GRM7: variants seen among roughly 807,000 people sequenced by gnomAD.
The protein encoded by GRM7 is metabotropic glutamate receptor 7.
A neutral mutation model predicts 84.5 loss-of-function variants in GRM7; 35 were observed. The observed-to-expected ratio is 0.41, with a 90% CI of 0.32 to 0.55. GRM7 has a LOEUF of 0.55. Ranked by LOEUF, GRM7 falls within the 20% of genes least tolerant of loss-of-function variation. The pLI, the probability that GRM7 is intolerant of heterozygous loss-of-function variation, is 0.19. For synonymous variants in GRM7, 487 were observed against 455.1 expected, an observed-to-expected ratio of 1.07 and a Z score of -0.89; for missense variants, 1,003 against 1,194.6, an observed-to-expected ratio of 0.84 and a Z score of 2.36.
At chr3:7,476,039 T>A (rs1300904969) in intron 7 of GRM7, among the ~76,000 whole-genome samples, 2 of 152,202 alleles carry the variant, frequency 1.3e-5, no homozygotes, top group Non-Finnish European at 2.9e-5. Flanking sequence ...TATTCACACG[T>A]GTAGACTGAC....
intron 4 of GRM7, among the ~76,000 whole-genome samples, chr3:7,368,852 A>G (rs1442524246): frequency 2.0e-5 from 3 of 151,668 alleles, no homozygotes; most frequent in South Asian, 2.1e-4. Flanking sequence ...AGCGCTTAGC[A>G]CATAATAGTG....
chr3:7,631,374 GA>G (rs3840237), intron 8 of GRM7, among the ~76,000 whole-genome samples: 66,266 of 151,846 alleles, frequency 0.44, 14,672 homozygotes, highest in East Asian at 0.61. Context: ...TTTCAACAGA[GA>G]CCACCACAGG....
intron 7 of GRM7, among the ~76,000 whole-genome samples, chr3:7,533,147 G>A (rs1173425764): frequency 6.6e-5 from 10 of 151,992 alleles, no homozygotes; most frequent in African/African-American, 2.4e-4. Flanking sequence ...CAAGCAGACC[G>A]AATAGACATC....
At chr3:6,896,665 A>C (rs944420878) in intron 1 of GRM7, among the ~76,000 whole-genome samples, 2 of 151,818 alleles carry the variant, frequency 1.3e-5, no homozygotes, top group African/African-American at 2.4e-5. Context: ...GTATTCACTC[A>C]CTCTTGTGTC....
At chr3:7,610,208 A>T (rs1696786480) in intron 8 of GRM7, among the ~76,000 whole-genome samples, 1 of 152,208 alleles carries the variant, frequency 6.6e-6, no homozygotes, top group African/African-American at 2.4e-5. Flanking sequence ...TTTAATCCTT[A>T]GCGGTCCAGT....
chr3:7,544,869 C>T (rs1052845999), intron 7 of GRM7, among the ~76,000 whole-genome samples: 2 of 152,168 alleles, frequency 1.3e-5, no homozygotes, highest in Admixed American at 1.3e-4. Context: ...CTTGGAAGGG[C>T]ATAAAGCATT....
chr3:7,211,741 A>C (rs1404116554), intron 2 of GRM7, among the ~76,000 whole-genome samples: 1 of 152,054 alleles, frequency 6.6e-6, no homozygotes, highest in African/African-American at 2.4e-5. Flanking sequence ...TACCAGAAGA[A>C]ATTCATTTTG....
intron 1 of GRM7, among the ~76,000 whole-genome samples, chr3:6,995,166 C>T (rs574362960): frequency 9.2e-5 from 14 of 152,242 alleles, no homozygotes; most frequent in South Asian, 4.1e-4. Context: ...ATTTTTGTCA[C>T]GAGACATGAG....
At chr3:7,370,848 G>A (rs1462874712) in intron 4 of GRM7, among the ~76,000 whole-genome samples, 1 of 152,150 alleles carries the variant, frequency 6.6e-6, no homozygotes, top group African/African-American at 2.4e-5. Context: ...TCAGGCAGCA[G>A]TGTGGTAATG....
intron 8 of GRM7, among the ~76,000 whole-genome samples, chr3:7,614,426 TCAATCTTGG>T: frequency 6.6e-6 from 1 of 152,252 alleles, no homozygotes; most frequent in East Asian, 1.9e-4. Context: ...CCCAGAATCT[TCAATCTTGG>T]CCCATTCCTC....
intron 1 of GRM7, among the ~76,000 whole-genome samples, chr3:6,886,101 G>A (rs1695682828): frequency 6.6e-6 from 1 of 151,732 alleles, no homozygotes; most frequent in Admixed American, 6.6e-5. Context: ...ACCATTGTGT[G>A]TGTGTGTGGG....
chr3:6,888,977 T>G (rs1298325636), intron 1 of GRM7, among the ~76,000 whole-genome samples: 2 of 152,302 alleles, frequency 1.3e-5, no homozygotes, highest in African/African-American at 2.4e-5. Flanking sequence ...CTAGGTATTT[T>G]ATTCTCTTTG....
chr3:7,680,902 C>T (rs1471686749), intron 9 of GRM7: 1 of 152,322 alleles, frequency 6.6e-6, no homozygotes, highest in African/African-American at 2.4e-5. Context: ...GCAAGACAAA[C>T]CTTAGGGAAG....
At chr3:7,055,563 C>T (rs1697191007) in intron 1 of GRM7, among the ~76,000 whole-genome samples, 1 of 151,136 alleles carries the variant, frequency 6.6e-6, no homozygotes. Flanking sequence ...CTCTGTCACC[C>T]AGGCTGGAGT....
chr3:6,950,971 A>C (rs112187627), intron 1 of GRM7, among the ~76,000 whole-genome samples: 10,077 of 152,224 alleles, frequency 0.066, 474 homozygotes, highest in African/African-American at 0.12. Flanking sequence ...TTCTTTGACT[A>C]GGAAAGGGAA....
intron 1 of GRM7, among the ~76,000 whole-genome samples, chr3:7,086,426 A>C (rs9311977): frequency 0.5 from 75,583 of 151,936 alleles, 20,105 homozygotes; most frequent in African/African-American, 0.7. Context: ...AGCTTAGTTA[A>C]ATTTGAGTAT....
chr3:7,104,673 C>G (rs1485261902), intron 1 of GRM7, among the ~76,000 whole-genome samples: 1 of 151,650 alleles, frequency 6.6e-6, no homozygotes, highest in Non-Finnish European at 1.5e-5. Flanking sequence ...ATATTGTTAG[C>G]TGTTACCATC....
Position 7,725,771 on chromosome 3 carries a change from A to G in GRM7, c.2699-14586A>G, listed in dbSNP as rs1320592590. On this transcript the variant is annotated intron_variant, in intron 9 of 9. Transcript: ENST00000357716. Reference sequence around the variant, plus strand: ...GTCCATTACCTGGCTGGGGCTGTCCACTTTCTACTTTCAACAGACATTATC... The same window carrying G: ...GTCCATTACCTGGCTGGGGCTGTCCGCTTTCTACTTTCAACAGACATTATC... Among the ~76,000 whole-genome samples, 5 of 152,310 alleles carry G rather than the reference A, an allele frequency of 3.3e-5. No homozygotes were observed. In the East Asian group the frequency reaches 7.7e-4, roughly 24 times the overall value.
intron 1 of GRM7, among the ~76,000 whole-genome samples, chr3:6,921,907 C>A (rs1697138789): frequency 6.6e-6 from 1 of 152,186 alleles, no homozygotes; most frequent in African/African-American, 2.4e-5. Context: ...GACCGAGATG[C>A]TGGGACTGAC....
Sources: allele counts gnomAD v4.1 joint callset (sites outside exome capture counted in the v4.1 genomes callset), GRCh38; gene constraint gnomAD v4.1.1; transcripts MANE v1.5; gene names NCBI Gene and HGNC (gene_info 2026-07-23, HGNC 2026-07-21).